Variants in ILDR2 observed in about 807,000 individuals in gnomAD.
ILDR2 encodes immunoglobulin-like domain-containing receptor 2.
ILDR2 carries 25 observed loss-of-function variants against 66.8 expected under a neutral mutation model. The observed-to-expected ratio is 0.37, with a 90% CI of 0.27 to 0.52. The LOEUF is 0.52. Ranked by LOEUF, ILDR2 falls within the 20% of genes least tolerant of loss-of-function variation. The pLI, the probability that ILDR2 is intolerant of heterozygous loss-of-function variation, is 0.88. For synonymous variants in ILDR2, 367 were observed against 357.2 expected (o/e 1.03, Z -0.31); for missense variants, 827 against 876.8 (o/e 0.94, Z 0.72).
chr1:166,935,538 C>T (rs573507321), intron 5 of ILDR2, 61 bp from the exon 6 acceptor site: 1 of 1,446,178 alleles, frequency 6.9e-7, no homozygotes, highest in African/African-American at 1.4e-5. Context: ...AACCCTCACA[C>T]CAAAAATCCC....
intron 1 of ILDR2, among the ~76,000 whole-genome samples, chr1:166,970,138 G>C (rs1663198327): frequency 6.6e-6 from 1 of 152,194 alleles, no homozygotes; most frequent in Non-Finnish European, 1.5e-5. Flanking sequence ...AGATTGGCTG[G>C]AGTAAGATTC....
At chr1:166,899,611 A>G (rs1659228795) in intron 2 of ILDR2, among the ~76,000 whole-genome samples, 1 of 152,214 alleles carries the variant, frequency 6.6e-6, no homozygotes, top group Non-Finnish European at 1.5e-5. Context: ...TCCTCTCAAG[A>G]ACTTGTTCAT....
Position 166,921,105 on chromosome 1 carries a change from C to T in ILDR2, c.1486G>A (p.Ala496Thr). 1.3e-6 allele frequency: 2 copies of T among 1,513,652 alleles called. No homozygotes were observed. Among genetic ancestry groups the T allele is most frequent in the Non-Finnish European group, 1.8e-6 (2 of 1,138,066 alleles). 93.8% of individuals were successfully genotyped at this position (1,513,652 alleles called of 1,614,324 possible). Residue 496 changes from alanine to threonine, a missense_variant, in exon 9 of 10, where the codon GCC (alanine) becomes ACC (threonine). This residue lies in a region of ILDR2 where 390 missense variants were observed against 353.6 expected (regional missense o/e 1.10). Coordinates refer to ENST00000271417, the MANE Select transcript of ILDR2 (RefSeq NM_199351.3). The surrounding 1 kb of genome is among the most constrained non-coding windows in gnomAD (Gnocchi z 5.3). ...GGTCTGCGGCGCGCGGGGCTGAAGG[C>T]CCAGCCGCGGTCAGCATCGGTCAGG... ...EPLTDADRGW[A>T]FSPARRRPAE...
chr1:166,959,503 G>T (rs1662485526), intron 1 of ILDR2, among the ~76,000 whole-genome samples: 2 of 152,198 alleles, frequency 1.3e-5, no homozygotes, highest in African/African-American at 4.8e-5. Context: ...AAGTCTTTGA[G>T]AGAAATGGAG....
chr1:166,948,511 C>T (rs1359293454), intron 3 of ILDR2, among the ~76,000 whole-genome samples: 1 of 152,084 alleles, frequency 6.6e-6, no homozygotes, highest in Non-Finnish European at 1.5e-5. Flanking sequence ...AGTAAACACC[C>T]TGCAATTAAC....
In ILDR2 at chr1:166,920,862, C is replaced by T. The variant is rs749105660; in HGVS notation, c.1729G>A (p.Gly577Ser). The change falls in exon 9 of 10, where the codon GGC (glycine) becomes AGC (serine). Residue 577 changes from glycine to serine, a missense_variant. Around this residue, in one of 2 missense-constraint regions of ILDR2, gnomAD observed 390 missense variants for 353.6 expected, o/e 1.10. Coordinates refer to ENST00000271417, the MANE Select transcript of ILDR2 (RefSeq NM_199351.3). The part of the protein sequence containing the change: ...AWSPPGTYKA[G>S]SSQDDQEDAS... ...TCCTCCTGGTCGTCCTGCGACGAGC[C>T]GGCCTTGTAGGTGCCGGGCGGCGAC... The T allele has an allele frequency of 6.6e-7, 1 of 1,506,730 alleles. No individual in the cohort carries two copies. The highest frequency in any genetic ancestry group is 1.2e-5 in the South Asian group (1 of 80,616). The allele number at this position is 1,506,730 out of a possible 1,614,324, so 93.3% of individuals were successfully genotyped here. A position where few individuals can be genotyped will look rare whatever the true frequency, so the allele number is the denominator to read the frequency against.
intron 1 of ILDR2, among the ~76,000 whole-genome samples, chr1:166,966,219 C>A (rs1662937967): frequency 6.6e-6 from 1 of 152,158 alleles, no homozygotes. Flanking sequence ...GCCTCATTCT[C>A]CAGCTTTGCC....
At position 166,921,856 on chromosome 1, in the gene ILDR2, C is replaced by G. The variant is rs1211883228; in HGVS notation, c.1212-477G>C. 2.0e-5 allele frequency among the ~76,000 whole-genome samples: 3 copies of G among 152,164 alleles called. No individual in the cohort carries two copies. Among genetic ancestry groups the G allele is most frequent in the Admixed American group, 1.3e-4 (2 of 15,290 alleles). ...GGGCAGGAGGGGAGAAGGACACTTG[C>G]AATTTGTAAGGGAAAGGCAATGTTC... On this transcript the variant is annotated intron_variant, in intron 8 of 9. Coordinates refer to ENST00000271417, the MANE Select transcript of ILDR2 (RefSeq NM_199351.3). This position sits in a 1 kb window ranked among gnomAD's most constrained non-coding sequence, Gnocchi z 5.3.
intron 1 of ILDR2, among the ~76,000 whole-genome samples, chr1:166,971,173 T>C (rs913179008): frequency 3.9e-5 from 6 of 152,304 alleles, no homozygotes; most frequent in Middle Eastern, 3.4e-3. Context: ...ACAATGCTAC[T>C]CCATAACTGG....
chr1:166,896,989 C>A (rs753400204), intron 2 of ILDR2, among the ~76,000 whole-genome samples: 1 of 152,150 alleles, frequency 6.6e-6, no homozygotes, highest in Non-Finnish European at 1.5e-5. Flanking sequence ...ATTACATATG[C>A]AGCTTACATT....
At position 166,938,019 on chromosome 1, in the gene ILDR2, A is replaced by T. The variant is rs569968596; in HGVS notation, c.557-1282T>A. On this transcript the variant is annotated intron_variant, in intron 4 of 9. Transcript: ENST00000271417. Reference sequence around the variant, plus strand: ...TTTCCTCAGAGAGGAAACAAACAACATGTTTCCTGAATGTCCCTCCTCACT... The same window carrying T: ...TTTCCTCAGAGAGGAAACAAACAACTTGTTTCCTGAATGTCCCTCCTCACT... 3.3e-5 allele frequency among the ~76,000 whole-genome samples: 5 copies of T among 152,324 alleles called. No individual in the cohort carries two copies. In the South Asian group the frequency reaches 1.0e-3, roughly 32 times the overall value.
Position 166,939,572 on chromosome 1 carries a change from T to G in ILDR2, c.500-2A>C, listed in dbSNP as rs768158663. 6.2e-7 allele frequency: 1 copy of G among 1,613,630 alleles called. No individual in the cohort carries two copies. On this transcript the variant is annotated splice_acceptor_variant, in intron 3 of 9. Coordinates refer to ENST00000271417, the MANE Select transcript of ILDR2 (RefSeq NM_199351.3). LOFTEE classifies it high-confidence loss of function. ...GATCAGCAAGCAGCCCTGTCCTGCC[T>G]AGAAGAAGTGGAAGGAAAAGAAGAA...
intron 1 of ILDR2, among the ~76,000 whole-genome samples, chr1:166,964,650 G>A (rs913214142): frequency 1.3e-5 from 2 of 152,172 alleles, no homozygotes; most frequent in Non-Finnish European, 2.9e-5. Flanking sequence ...AAGAGTGACA[G>A]CTCTTCTCCC....
rs1659676267 is a variant in ILDR2, at chr1:166,917,199, G to A, written c.*2156C>T. On this transcript the variant is annotated 3_prime_UTR_variant, in exon 10 of 10. Coordinates refer to ENST00000271417, the MANE Select transcript of ILDR2 (RefSeq NM_199351.3). ...CCAGCCCTTGGAAGTGCCAGCACTG[G>A]GTTCAACTGTTCTCCTGATTTCTCT... The A allele has an allele frequency of 6.6e-6, 1 of 152,208 alleles. No homozygotes were observed. The highest frequency in any genetic ancestry group is 2.4e-5 in the African/African-American group (1 of 41,428). The allele number at this position is 152,208 out of a possible 1,614,324, so 9.4% of individuals were successfully genotyped here.
chr1:166,944,164 C>T (rs1379163708), intron 3 of ILDR2, among the ~76,000 whole-genome samples: 1 of 152,210 alleles, frequency 6.6e-6, no homozygotes, highest in Admixed American at 6.5e-5. Flanking sequence ...AAATAACTTA[C>T]CTATCTTACC....
At chr1:166,924,885 A>G (rs1051923492) in intron 7 of ILDR2, among the ~76,000 whole-genome samples, 4 of 152,084 alleles carry the variant, frequency 2.6e-5, no homozygotes, top group African/African-American at 9.7e-5. Context: ...GCATGGTGGC[A>G]CATGCCTGTG....
rs906943604 is a variant in ILDR2 at position 166,918,283 on chromosome 1, C to T, written c.*1072G>A. ...CCACATCCCCCATGTCCTAGAATGG[C>T]AGAACTGGGATGGCAGAAACAATTA... is the stretch of plus-strand genomic sequence containing the variant. On this transcript the variant is annotated 3_prime_UTR_variant, in exon 10 of 10. Transcript: ENST00000271417. 2 of 152,144 alleles carry T rather than the reference C, an allele frequency of 1.3e-5. No individual in the cohort carries two copies. Among genetic ancestry groups the T allele is most frequent in the African/African-American group, 4.8e-5 (2 of 41,422 alleles). The allele number at this position is 152,144 out of a possible 1,614,324, so 9.4% of individuals were successfully genotyped here.
At chr1:166,926,394 A>C (rs1291012906) in intron 7 of ILDR2, among the ~76,000 whole-genome samples, 1 of 151,976 alleles carries the variant, frequency 6.6e-6, no homozygotes, top group Non-Finnish European at 1.5e-5. Context: ...GCCACCTCAG[A>C]CTTAGTATTC....
At chr1:166,898,238 GGAGA>G (rs2101810931) in intron 2 of ILDR2, among the ~76,000 whole-genome samples, 1 of 152,272 alleles carries the variant, frequency 6.6e-6, no homozygotes, top group Admixed American at 6.5e-5. Context: ...GTGGAATTCA[GGAGA>G]GAGTCCAGGC....
Sources: allele counts gnomAD v4.1 joint callset (sites outside exome capture counted in the v4.1 genomes callset), GRCh38; gene constraint gnomAD v4.1.1; regional missense constraint gnomAD v4.1.1; non-coding constraint Gnocchi (gnomAD v3.1); transcripts MANE v1.5; gene names NCBI Gene and HGNC (gene_info 2026-07-23, HGNC 2026-07-21).